The following TOGARAM1 variants were observed in gnomAD, a reference collection of about 807,000 sequenced individuals.
TOGARAM1 encodes TOG array regulator of axonemal microtubules protein 1.
In TOGARAM1, 100 loss-of-function variants were observed where a neutral mutation model predicts 166.6. That is an observed-to-expected ratio of 0.60 (90% CI 0.51 to 0.71). The LOEUF (loss-of-function observed/expected upper bound fraction) is 0.71. TOGARAM1 is among the 30% of genes least tolerant of loss of function. The pLI, the probability that TOGARAM1 is intolerant of heterozygous loss-of-function variation, is 0.00. For synonymous variants in TOGARAM1, 758 were observed against 763.8 expected (o/e 0.99, Z 0.13); for missense variants, 2,029 against 2,102.7 (o/e 0.96, Z 0.69).
intron 15 of TOGARAM1, 45 bp from the exon 16 acceptor site, chr14:45,054,386 C>T (rs1281509575): frequency 1.7e-6 from 2 of 1,179,192 alleles, no homozygotes; most frequent in Non-Finnish European, 2.4e-6. Context: ...TATTTCACTA[C>T]TAGTTTTAAA....
Position 44,962,304 on chromosome 14 carries a change from C to A in TOGARAM1, c.-118C>A. On this transcript the variant is annotated 5_prime_UTR_variant, in exon 1 of 20. In the 5' UTR this introduces an upstream ATG that the reference lacks. Coordinates refer to ENST00000361462, the MANE Select transcript of TOGARAM1 (RefSeq NM_001308120.2). ...GGGGCGGCCTGGCGGCAGGCTGAAGCTGTTCTTTTGCCTCTTCTGCAGCTT... is the reference window on the plus strand; with the variant it reads ...GGGGCGGCCTGGCGGCAGGCTGAAGATGTTCTTTTGCCTCTTCTGCAGCTT... The A allele has an allele frequency of 7.7e-7, 1 of 1,298,378 alleles. No individual in the cohort carries two copies. The highest frequency in any genetic ancestry group is 1.8e-5 in the South Asian group (1 of 56,592). 80.4% of individuals were successfully genotyped at this position (1,298,378 alleles called of 1,614,324 possible). A position where few individuals can be genotyped will look rare whatever the true frequency, so the allele number is the denominator to read the frequency against.
At chr14:44,986,838 C>A (rs2138776910) in intron 1 of TOGARAM1, among the ~76,000 whole-genome samples, 1 of 150,832 alleles carries the variant, frequency 6.6e-6, no homozygotes, top group South Asian at 2.1e-4. Context: ...AACCCCATCT[C>A]TACTAAAAAT....
At chr14:44,982,409 T>TC (rs1278596985) in intron 1 of TOGARAM1, among the ~76,000 whole-genome samples, 1 of 152,202 alleles carries the variant, frequency 6.6e-6, no homozygotes, top group Non-Finnish European at 1.5e-5. Context: ...ATCAAGTAAA[T>TC]CAGACATCAT....
intron 10 of TOGARAM1, among the ~76,000 whole-genome samples, chr14:45,028,846 T>C: frequency 6.6e-6 from 1 of 152,124 alleles, no homozygotes; most frequent in East Asian, 1.9e-4. Flanking sequence ...ATAATAAACA[T>C]TAAGTATTAT....
At chr14:44,981,859 T>A (rs1366513713) in intron 1 of TOGARAM1, among the ~76,000 whole-genome samples, 1 of 150,096 alleles carries the variant, frequency 6.7e-6, no homozygotes, top group Non-Finnish European at 1.5e-5. Flanking sequence ...TTTTTTTTTT[T>A]TTGAGATGGA....
intron 2 of TOGARAM1, 96 bp downstream of exon 2, chr14:44,995,998 G>A (rs1887394945): frequency 2.1e-6 from 2 of 952,094 alleles, no homozygotes; most frequent in African/African-American, 1.7e-5. Context: ...AATCTAGTAG[G>A]CAGTTCAGAT....
chr14:45,024,202 A>G (rs577301407), intron 7 of TOGARAM1, among the ~76,000 whole-genome samples: 21 of 152,192 alleles, frequency 1.4e-4, no homozygotes, highest in Non-Finnish European at 1.5e-4. Flanking sequence ...CCTAGTTGTA[A>G]TGGTCCATAT....
chr14:44,995,537 A>T (rs995832564), intron 1 of TOGARAM1: 3 of 566,898 alleles, frequency 5.3e-6, no homozygotes, highest in African/African-American at 1.8e-5. Context: ...GTGAAGTAGT[A>T]AGAAAAAACA....
chr14:45,025,641 C>A (rs1880790875), intron 7 of TOGARAM1, 142 bp from the exon 8 acceptor site: 1 of 532,298 alleles, frequency 1.9e-6, no homozygotes, highest in Non-Finnish European at 3.3e-6. Flanking sequence ...TTTATAATGA[C>A]TTAATGAACG....
intron 1 of TOGARAM1, among the ~76,000 whole-genome samples, chr14:44,990,109 C>T (rs538761818): frequency 3.0e-4 from 45 of 152,284 alleles, no homozygotes; most frequent in Admixed American, 1.0e-3. Context: ...CAATTCAAGA[C>T]AAGATTTGGG....
At chr14:45,060,534 T>G (rs906426067) in intron 16 of TOGARAM1, among the ~76,000 whole-genome samples, 1 of 152,094 alleles carries the variant, frequency 6.6e-6, no homozygotes, top group South Asian at 2.1e-4. Context: ...AAAATGTTAT[T>G]CTCCTTCCAG....
chr14:44,965,911 G>A (rs1594599640), intron 1 of TOGARAM1, among the ~76,000 whole-genome samples: 1 of 122,262 alleles, frequency 8.2e-6, no homozygotes, highest in South Asian at 2.5e-4. Flanking sequence ...GTCTCGCCCT[G>A]TTGCCCAGGC....
intron 11 of TOGARAM1, among the ~76,000 whole-genome samples, chr14:45,038,240 T>A (rs1406278052): frequency 6.6e-6 from 1 of 152,186 alleles, no homozygotes; most frequent in Non-Finnish European, 1.5e-5. Context: ...TGTCATGGGA[T>A]CCTTAAGGTG....
At position 44,962,683 on chromosome 14, in the gene TOGARAM1, G is replaced by C. The variant is rs771077799; in HGVS notation, c.262G>C (p.Gly88Arg). 4 of 1,614,048 alleles carry C rather than the reference G, an allele frequency of 2.5e-6. No individual in the cohort carries two copies. The African/African-American group carries it at 5.3e-5, about 22-fold the overall frequency. The change falls in exon 1 of 20, where the codon GGT (glycine) becomes CGT (arginine). Residue 88 changes from glycine (G) to arginine (R), a missense_variant. By Grantham distance (125) the Gly-to-Arg change is moderately radical (BLOSUM62 -2). Coordinates refer to ENST00000361462, the MANE Select transcript of TOGARAM1 (RefSeq NM_001308120.2). ...VSSSWSESGGGLSGGDEEDTR... is the reference protein window; with the variant it reads ...VSSSWSESGGRLSGGDEEDTR... ...AAGCAGCTGGTCTGAGTCTGGAGGC[G>C]GTTTGTCAGGGGGAGATGAAGAGGA...
chr14:45,034,840 T>G (rs1475807150), intron 11 of TOGARAM1, among the ~76,000 whole-genome samples: 1 of 152,052 alleles, frequency 6.6e-6, no homozygotes, highest in Non-Finnish European at 1.5e-5. Context: ...TTACCAGGCA[T>G]GCAGAGAAGC....
At chr14:44,998,121 C>T (rs556679575) in intron 2 of TOGARAM1, among the ~76,000 whole-genome samples, 4 of 152,164 alleles carry the variant, frequency 2.6e-5, no homozygotes, top group African/African-American at 7.2e-5. Context: ...TATTTTCATA[C>T]AAAAATGAAG....
At chr14:45,005,243 A>G (rs1373203638) in intron 4 of TOGARAM1, among the ~76,000 whole-genome samples, 2 of 152,172 alleles carry the variant, frequency 1.3e-5, no homozygotes, top group Non-Finnish European at 2.9e-5. Context: ...GTTATAAACT[A>G]AAATATTCTT....
At chr14:45,069,074 G>A (rs554968126) in intron 18 of TOGARAM1, among the ~76,000 whole-genome samples, 1 of 152,104 alleles carries the variant, frequency 6.6e-6, no homozygotes, top group South Asian at 2.1e-4. Flanking sequence ...TTGGTGAAAA[G>A]TTTTACATAT....
intron 1 of TOGARAM1, among the ~76,000 whole-genome samples, chr14:44,988,077 G>T (rs1886938792): frequency 6.7e-6 from 1 of 148,478 alleles, no homozygotes; most frequent in Non-Finnish European, 1.5e-5. Context: ...GACACAGGAA[G>T]GGGGACATCA....
Sources: gnomAD v4.1 joint callset for allele counts (sites outside exome capture counted in the v4.1 genomes callset) on GRCh38, gnomAD v4.1.1 for gene constraint, MANE v1.5 for transcripts, NCBI Gene and HGNC (gene_info 2026-07-23, HGNC 2026-07-21) for gene names.